Variants in NMBR observed in about 807,000 individuals in gnomAD.
The protein encoded by NMBR is neuromedin-B receptor.
In NMBR, 16 loss-of-function variants were observed where a neutral mutation model predicts 20.5. The ratio of observed to expected loss-of-function variants is 0.78; its 90% CI spans 0.53 to 1.19. The LOEUF (loss-of-function observed/expected upper bound fraction) is 1.19, where lower values mean the gene tolerates loss of function less well. Among genes scored for constraint, NMBR ranks in the 50% most tolerant of loss-of-function variants. The probability of loss-of-function intolerance (pLI) is 0.00; values close to 1 mark genes in which losing one functional copy is unlikely to be tolerated. For missense variants in NMBR, 582 were observed against 499.1 expected (o/e 1.17, Z -1.58); for synonymous variants, 212 against 196.6 (o/e 1.08, Z -0.65).
At chr6:142,081,909 G>T (rs894261616) in intron 2 of NMBR, among the ~76,000 whole-genome samples, 4 of 152,086 alleles carry the variant, frequency 2.6e-5, no homozygotes, top group African/African-American at 4.8e-5. Flanking sequence ...GGCATATAAA[G>T]AGAAAAATAA....
At chr6:142,098,735 T>C (rs563113657) in intron 1 of NMBR, among the ~76,000 whole-genome samples, 3 of 152,296 alleles carry the variant, frequency 2.0e-5, no homozygotes, top group African/African-American at 7.2e-5. Flanking sequence ...TGTCAAGTTG[T>C]AAGTTCTTTT....
intron 1 of NMBR, among the ~76,000 whole-genome samples, chr6:142,130,927 C>T (rs1778130076): frequency 6.6e-6 from 1 of 152,070 alleles, no homozygotes; most frequent in Admixed American, 6.6e-5. Context: ...ATGGAATGTT[C>T]CCTGCCTCCA....
rs776881608 is a variant in NMBR, at chr6:142,088,601, AACCGCTCTCATTCGCGCCGGTGGTC to A, written c.33_57del (p.Thr12ProfsTer22). ...TCCCTTTCCCACCCCTCGGGAACGG[AACCGCTCTCATTCGCGCCGGTGGTC>A]ACCGAGAGGTTGGAAAGAGACTTAG... On this transcript the variant is annotated frameshift_variant, in exon 2 of 4. Transcript: ENST00000258042. LOFTEE classifies it high-confidence loss of function. The A allele has an allele frequency of 9.9e-6, 16 of 1,611,706 alleles. No individual in the cohort carries two copies.
At chr6:142,107,645 G>A (rs989009156) in intron 1 of NMBR, among the ~76,000 whole-genome samples, 4 of 152,100 alleles carry the variant, frequency 2.6e-5, no homozygotes, top group Non-Finnish European at 2.9e-5. Context: ...TTTCTAAAAT[G>A]TCTAGTTTTC....
intron 1 of NMBR, among the ~76,000 whole-genome samples, chr6:142,120,579 T>G (rs564697336): frequency 6.6e-6 from 1 of 151,900 alleles, no homozygotes; most frequent in South Asian, 2.1e-4. Flanking sequence ...TAAAAACATT[T>G]GAAATACAAA....
intron 1 of NMBR, among the ~76,000 whole-genome samples, chr6:142,115,298 G>A (rs757712860): frequency 2.0e-5 from 3 of 152,082 alleles, no homozygotes; most frequent in Non-Finnish European, 2.9e-5. Context: ...GGAGAGTATA[G>A]TGGGAGGGTA....
At chr6:142,127,881 A>ATTTT (rs1235399675) in intron 1 of NMBR, among the ~76,000 whole-genome samples, 1 of 151,806 alleles carries the variant, frequency 6.6e-6, no homozygotes, top group Non-Finnish European at 1.5e-5. Context: ...TTCTAACAGG[A>ATTTT]TTTTTTGGTT....
intron 1 of NMBR, among the ~76,000 whole-genome samples, chr6:142,111,302 C>G (rs73577739): frequency 8.7e-4 from 132 of 152,000 alleles, no homozygotes; most frequent in African/African-American, 2.8e-3. Context: ...CAGGCTTAGC[C>G]TTTATACCAC....
intron 1 of NMBR, among the ~76,000 whole-genome samples, chr6:142,124,646 C>T (rs549336858): frequency 1.3e-5 from 2 of 151,656 alleles, no homozygotes; most frequent in South Asian, 2.1e-4. Flanking sequence ...TGTAGATATG[C>T]GAACTATTCA....
At chr6:142,122,185 A>C (rs1462113741) in intron 1 of NMBR, among the ~76,000 whole-genome samples, 7 of 151,986 alleles carry the variant, frequency 4.6e-5, no homozygotes, top group African/African-American at 1.4e-4. Context: ...AGAAGTGAGC[A>C]GCTGAGTTTG....
At chr6:142,088,140 T>TG in intron 2 of NMBR, 97 bp downstream of exon 2, 1 of 1,237,712 alleles carries the variant, frequency 8.1e-7, no homozygotes, top group Non-Finnish European at 1.1e-6. Flanking sequence ...AACCTTTCCT[T>TG]GCGTCCTTCT....
rs1371199081 is a variant in NMBR, at chr6:142,078,682, A to G, written c.644T>C (p.Leu215Pro). 1.2e-6 allele frequency: 2 copies of G among 1,613,908 alleles called. No homozygotes were observed. The highest frequency in any genetic ancestry group is 1.7e-5 in the Admixed American group (1 of 60,028). ...TATGAGGAAATAGACCAAGAAAATG[A>G]GCACTGAATGAATCTTTGGATGTAA... Reference protein sequence around the residue: ...DELHPKIHSVLIFLVYFLIPL... With the variant: ...DELHPKIHSVPIFLVYFLIPL... The change falls in exon 3 of 4, where the codon CTC becomes CCC. Residue 215 changes from leucine (L) to proline (P), a missense_variant. Physicochemically the swap from Leu to Pro is moderately conservative, Grantham distance 98. Coordinates refer to ENST00000258042, the MANE Select transcript of NMBR (RefSeq NM_002511.4).
chr6:142,100,575 A>G (rs1250522041), intron 1 of NMBR, among the ~76,000 whole-genome samples: 2 of 151,782 alleles, frequency 1.3e-5, no homozygotes, highest in Admixed American at 1.3e-4. Flanking sequence ...TGTGGATCGC[A>G]GAGGATTTTG....
At chr6:142,126,151 C>T (rs1435807516) in intron 1 of NMBR, among the ~76,000 whole-genome samples, 1 of 151,718 alleles carries the variant, frequency 6.6e-6, no homozygotes, top group Non-Finnish European at 1.5e-5. Context: ...TAGTATTTGT[C>T]TTTCTGTTTC....
chr6:142,103,591 C>T (rs1181190666), intron 1 of NMBR, among the ~76,000 whole-genome samples: 1 of 152,122 alleles, frequency 6.6e-6, no homozygotes, highest in Admixed American at 6.6e-5. Context: ...GATGAGGTGG[C>T]TGTCCAGAAT....
At chr6:142,088,127 CCCAACCTTTCCTTG>C in intron 2 of NMBR, 96 bp downstream of exon 2, 3 of 1,113,524 alleles carry the variant, frequency 2.7e-6, no homozygotes, top group Non-Finnish European at 3.8e-6. Context: ...CCTCTCCACA[CCCAACCTTTCCTTG>C]CGTCCTTCTG....
intron 1 of NMBR, among the ~76,000 whole-genome samples, chr6:142,103,568 T>C (rs1474059318): frequency 6.6e-6 from 1 of 152,282 alleles, no homozygotes; most frequent in East Asian, 1.9e-4. Context: ...TAACAAACAC[T>C]TTAAGGACTC....
chr6:142,125,547 T>C (rs964022898), intron 1 of NMBR, among the ~76,000 whole-genome samples: 2 of 99,208 alleles, frequency 2.0e-5, no homozygotes, highest in Non-Finnish European at 4.8e-5. Context: ...GTAAGCCCCA[T>C]GGAGGCAAGG....
chr6:142,096,488 G>C (rs1367555967), intron 1 of NMBR, among the ~76,000 whole-genome samples: 1 of 152,168 alleles, frequency 6.6e-6, no homozygotes, highest in Non-Finnish European at 1.5e-5. Flanking sequence ...GGTTTTGAGT[G>C]AGTTTCTTAA....
Sources: allele counts gnomAD v4.1 joint callset (sites outside exome capture counted in the v4.1 genomes callset), GRCh38; gene constraint gnomAD v4.1.1; transcripts MANE v1.5; gene names NCBI Gene and HGNC (gene_info 2026-07-23, HGNC 2026-07-21).